The following NRXN1 variants were observed in gnomAD, a reference collection of about 807,000 sequenced individuals.
NRXN1 encodes neurexin 1, also known as neurexin-1.
Under a neutral mutation model 150.9 loss-of-function variants are expected in NRXN1, and 39 were observed. The ratio of observed to expected loss-of-function variants is 0.26; its 90% CI spans 0.20 to 0.34. The LOEUF (loss-of-function observed/expected upper bound fraction) is 0.34. Among genes scored for constraint, NRXN1 ranks in the 10% least tolerant of loss-of-function variants. The pLI, the probability that NRXN1 is intolerant of heterozygous loss-of-function variation, is 1.00. For missense variants in NRXN1, 1,815 were observed against 1,949.9 expected (o/e 0.93, Z 1.30); for synonymous variants, 924 against 757.0 (o/e 1.22, Z -3.62).
At chr2:51,019,863 C>G (rs887400911) in intron 2 of NRXN1, among the ~76,000 whole-genome samples, 1 of 151,954 alleles carries the variant, frequency 6.6e-6, no homozygotes, top group East Asian at 1.9e-4. Flanking sequence ...AGTACTTTCT[C>G]TGCTTACTTT....
chr2:50,803,657 T>C (rs757100291), intron 5 of NRXN1, among the ~76,000 whole-genome samples: 21 of 152,152 alleles, frequency 1.4e-4, no homozygotes, highest in Non-Finnish European at 2.1e-4. Flanking sequence ...CAAATGGAAA[T>C]GGTAAGCTTA....
intron 2 of NRXN1, among the ~76,000 whole-genome samples, chr2:51,014,993 A>T (rs1235835605): frequency 1.3e-5 from 2 of 152,110 alleles, no homozygotes; most frequent in African/African-American, 2.4e-5. Context: ...GTAGACAATT[A>T]CGTATTTATT....
chr2:50,823,389 A>G (rs923684200), intron 5 of NRXN1, among the ~76,000 whole-genome samples: 45 of 152,270 alleles, frequency 3.0e-4, no homozygotes, highest in Non-Finnish European at 2.1e-4. Flanking sequence ...AATAATAAAA[A>G]GTAACAATAC....
intron 8 of NRXN1, among the ~76,000 whole-genome samples, chr2:50,562,097 G>T (rs1206228450): frequency 2.0e-5 from 3 of 152,076 alleles, no homozygotes; most frequent in African/African-American, 7.2e-5. Context: ...CATATACCAA[G>T]AAAATATCTT....
intron 17 of NRXN1, among the ~76,000 whole-genome samples, chr2:50,397,386 T>A (rs769412832): frequency 2.0e-5 from 3 of 152,024 alleles, no homozygotes; most frequent in Non-Finnish European, 2.9e-5. Flanking sequence ...TCAGGAAGTA[T>A]AAGCAAAGAA....
At chr2:50,469,481 A>T (rs1489607265) in intron 16 of NRXN1, among the ~76,000 whole-genome samples, 5 of 151,630 alleles carry the variant, frequency 3.3e-5, no homozygotes, top group African/African-American at 4.8e-5. Flanking sequence ...AACATATGCT[A>T]AGTAGTCCTA....
intron 8 of NRXN1, among the ~76,000 whole-genome samples, chr2:50,557,031 C>T (rs1417541989): frequency 2.6e-5 from 4 of 152,128 alleles, no homozygotes; most frequent in Non-Finnish European, 4.4e-5. Flanking sequence ...TTGTTCTCTA[C>T]TTTCAGATAC....
intron 17 of NRXN1, among the ~76,000 whole-genome samples, chr2:50,446,701 G>A (rs1209319475): frequency 6.6e-6 from 1 of 150,884 alleles, no homozygotes; most frequent in Non-Finnish European, 1.5e-5. Flanking sequence ...ATACTTTTTG[G>A]CTGTTGAATT....
chr2:50,840,710 T>G (rs925052012), intron 5 of NRXN1, among the ~76,000 whole-genome samples: 4 of 152,286 alleles, frequency 2.6e-5, no homozygotes, highest in South Asian at 2.1e-4. Flanking sequence ...ACATAAGTGA[T>G]GCCACACCCA....
intron 17 of NRXN1, among the ~76,000 whole-genome samples, chr2:50,330,081 T>C (rs2076737905): frequency 1.3e-5 from 2 of 152,112 alleles, no homozygotes; most frequent in Admixed American, 6.6e-5. Context: ...ATATTTATAT[T>C]ATAGAAGGAA....
intron 5 of NRXN1, among the ~76,000 whole-genome samples, chr2:50,665,076 T>C (rs1358800169): frequency 1.3e-5 from 2 of 151,992 alleles, no homozygotes; most frequent in Non-Finnish European, 2.9e-5. Flanking sequence ...GATCCCAGTA[T>C]ACTACTTTTT....
chr2:50,071,831 G>C (rs910259566), intron 19 of NRXN1, among the ~76,000 whole-genome samples: 3 of 152,128 alleles, frequency 2.0e-5, no homozygotes, highest in African/African-American at 7.2e-5. Flanking sequence ...AGTACTCATG[G>C]ATTTGCACAC....
intron 10 of NRXN1, among the ~76,000 whole-genome samples, chr2:50,531,831 T>C (rs1177210091): frequency 1.3e-5 from 2 of 151,648 alleles, no homozygotes; most frequent in African/African-American, 4.9e-5. Context: ...TTTTTTGTTG[T>C]TGTTTTTGTT....
intron 17 of NRXN1, among the ~76,000 whole-genome samples, chr2:50,305,738 C>G (rs2074554720): frequency 6.6e-6 from 1 of 152,142 alleles, no homozygotes; most frequent in Non-Finnish European, 1.5e-5. Flanking sequence ...GTCCACACTT[C>G]CAAAAATTCA....
intron 17 of NRXN1, among the ~76,000 whole-genome samples, chr2:50,265,994 TA>T (rs537612913): frequency 9.1e-4 from 65 of 71,368 alleles, no homozygotes; most frequent in South Asian, 2.3e-3. Flanking sequence ...TTATTATTAT[TA>T]TTATTTATTT....
At chr2:49,939,824 T>G (rs1671667488) in intron 22 of NRXN1, among the ~76,000 whole-genome samples, 1 of 152,202 alleles carries the variant, frequency 6.6e-6, no homozygotes, top group Non-Finnish European at 1.5e-5. Flanking sequence ...AAACTTTCTA[T>G]TTTTGCTCCC....
intron 2 of NRXN1, among the ~76,000 whole-genome samples, chr2:50,993,360 C>T (rs562754389): frequency 7.2e-5 from 11 of 151,944 alleles, no homozygotes; most frequent in Admixed American, 3.3e-4. Context: ...AAAGATTTTT[C>T]GTGAACTGAA....
chr2:50,859,441 A>G (rs1370768019), intron 5 of NRXN1, among the ~76,000 whole-genome samples: 1 of 152,106 alleles, frequency 6.6e-6, no homozygotes, highest in Non-Finnish European at 1.5e-5. Context: ...TTCTAGGAGA[A>G]GTAAGGAATT....
chr2:50,151,619 A>G (rs1211533006), intron 18 of NRXN1, among the ~76,000 whole-genome samples: 1 of 151,794 alleles, frequency 6.6e-6, no homozygotes, highest in Non-Finnish European at 1.5e-5. Flanking sequence ...AAAAAAATCA[A>G]TAAATAATAT....
Sources: allele counts gnomAD v4.1 joint callset (sites outside exome capture counted in the v4.1 genomes callset), GRCh38; gene constraint gnomAD v4.1.1; transcripts MANE v1.5; gene names NCBI Gene and HGNC (gene_info 2026-07-23, HGNC 2026-07-21).